Variants in SH3GL3 observed in about 807,000 individuals in gnomAD.
SH3GL3 encodes endophilin-A3.
A neutral mutation model predicts 47.7 loss-of-function variants in SH3GL3; 33 were observed. The ratio of observed to expected loss-of-function variants is 0.69; its 90% confidence interval spans 0.52 to 0.92. The LOEUF (loss-of-function observed/expected upper bound fraction) is 0.92. Ranked by LOEUF, SH3GL3 falls within the 40% of genes least tolerant of loss-of-function variation. The pLI is 0.00. For synonymous variants in SH3GL3, 155 were observed against 148.8 expected, an observed-to-expected ratio of 1.04 and a Z score of -0.30; for missense variants, 363 against 417.8, an observed-to-expected ratio of 0.87 and a Z score of 1.14.
At chr15:83,577,714 G>C (rs1246832118) in intron 6 of SH3GL3, among the ~76,000 whole-genome samples, 1 of 152,150 alleles carries the variant, frequency 6.6e-6, no homozygotes, top group African/African-American at 2.4e-5. Context: ...CTTAAATCTT[G>C]AGGAGTCCTG....
intron 1 of SH3GL3, among the ~76,000 whole-genome samples, chr15:83,540,436 A>G (rs1396785870): frequency 6.6e-6 from 1 of 152,162 alleles, no homozygotes; most frequent in East Asian, 1.9e-4. Flanking sequence ...TATGCTTTAT[A>G]CATCGTGAGG....
At chr15:83,590,184 T>C (rs1048955544) in intron 8 of SH3GL3, among the ~76,000 whole-genome samples, 5 of 152,196 alleles carry the variant, frequency 3.3e-5, no homozygotes, top group African/African-American at 1.2e-4. Context: ...TTTTTCCTAG[T>C]TTGTCATTTA....
chr15:83,457,138 C>T (rs1432764211), intron 1 of SH3GL3, among the ~76,000 whole-genome samples: 1 of 152,196 alleles, frequency 6.6e-6, no homozygotes, highest in Non-Finnish European at 1.5e-5. Context: ...TATGTGTGTT[C>T]TGACCTGGAA....
At chr15:83,615,198 A>G (rs1011481496) in intron 8 of SH3GL3, among the ~76,000 whole-genome samples, 1 of 152,194 alleles carries the variant, frequency 6.6e-6, no homozygotes, top group African/African-American at 2.4e-5. Context: ...TTGTGAGAGA[A>G]ATGTGTCATA....
At chr15:83,481,049 G>A (rs2151555550) in intron 1 of SH3GL3, among the ~76,000 whole-genome samples, 1 of 152,264 alleles carries the variant, frequency 6.6e-6, no homozygotes, top group East Asian at 1.9e-4. Context: ...GCCGAGGCGG[G>A]CGGATCACCT....
At chr15:83,517,632 C>A (rs191216863) in intron 1 of SH3GL3, among the ~76,000 whole-genome samples, 3 of 152,182 alleles carry the variant, frequency 2.0e-5, no homozygotes, top group Non-Finnish European at 4.4e-5. Flanking sequence ...CCATTTTTCT[C>A]TTTTTCAGTC....
rs1387916937 is a variant in SH3GL3, at chr15:83,521,680, TA to T, written c.46-37572del. 4.6e-5 allele frequency among the ~76,000 whole-genome samples: 7 copies of T among 152,084 alleles called. No homozygotes were observed. In the South Asian group the frequency reaches 1.2e-3, roughly 27 times the overall value. On this transcript the variant is annotated intron_variant, in intron 1 of 8. Coordinates refer to ENST00000427482, the MANE Select transcript of SH3GL3 (RefSeq NM_003027.5). The stretch of plus-strand genomic sequence containing the variant: ...AGTGGAGGTTGGGGCTGAGAGACAA[TA>T]GGCAAATAACCAGCACAGAGTCTAA...
At chr15:83,613,885 A>G (rs969823210) in intron 8 of SH3GL3, among the ~76,000 whole-genome samples, 3 of 152,172 alleles carry the variant, frequency 2.0e-5, no homozygotes, top group African/African-American at 7.2e-5. Flanking sequence ...GAGAGGACTC[A>G]TGGAGGACTG....
At chr15:83,505,639 G>A (rs746484764) in intron 1 of SH3GL3, among the ~76,000 whole-genome samples, 70 of 147,768 alleles carry the variant, frequency 4.7e-4, no homozygotes, top group South Asian at 8.8e-4. Flanking sequence ...GCGATTCTCC[G>A]CCTCAGCTTC....
intron 1 of SH3GL3, among the ~76,000 whole-genome samples, chr15:83,504,251 A>G (rs2042398932): frequency 6.6e-6 from 1 of 152,234 alleles, no homozygotes; most frequent in Non-Finnish European, 1.5e-5. Flanking sequence ...CAGTTGAAGC[A>G]ATGGAATCTT....
At chr15:83,556,153 G>A (rs2044946853) in intron 1 of SH3GL3, among the ~76,000 whole-genome samples, 1 of 149,266 alleles carries the variant, frequency 6.7e-6, no homozygotes, top group Non-Finnish European at 1.5e-5. Context: ...TTGGAAGGAG[G>A]CCAGGTGCCC....
chr15:83,469,185 AT>A (rs1194698214), intron 1 of SH3GL3, among the ~76,000 whole-genome samples: 1 of 152,022 alleles, frequency 6.6e-6, no homozygotes, highest in Non-Finnish European at 1.5e-5. Context: ...CTCATCTTTC[AT>A]TCCTGATAAT....
intron 1 of SH3GL3, among the ~76,000 whole-genome samples, chr15:83,493,012 C>A (rs973121627): frequency 1.6e-4 from 24 of 152,356 alleles, no homozygotes; most frequent in Non-Finnish European, 2.9e-4. Flanking sequence ...TTCAAACAAC[C>A]CATCTGCCAA....
chr15:83,523,734 C>T (rs2043300393), intron 1 of SH3GL3, among the ~76,000 whole-genome samples: 1 of 151,974 alleles, frequency 6.6e-6, no homozygotes, highest in African/African-American at 2.4e-5. Context: ...TCTTCCTTTC[C>T]CCCTGCCTCC....
At chr15:83,467,984 C>T (rs972679367) in intron 1 of SH3GL3, among the ~76,000 whole-genome samples, 24 of 152,184 alleles carry the variant, frequency 1.6e-4, no homozygotes, top group East Asian at 5.8e-4. Context: ...CCCGCCACCA[C>T]GCCCAGCTAA....
intron 1 of SH3GL3, among the ~76,000 whole-genome samples, chr15:83,502,770 C>G (rs1015320482): frequency 2.6e-5 from 4 of 152,152 alleles, no homozygotes; most frequent in Admixed American, 2.6e-4. Context: ...ACTATGTTGC[C>G]CAGGCTGGGG....
At chr15:83,533,225 G>T (rs2043759798) in intron 1 of SH3GL3, among the ~76,000 whole-genome samples, 1 of 152,150 alleles carries the variant, frequency 6.6e-6, no homozygotes, top group Admixed American at 6.5e-5. Context: ...GTAGAATATG[G>T]GGAAATAATG....
At chr15:83,559,003 TCCTACAGCACTTACCATGTGTTTTACA>T (rs2151740874) in intron 1 of SH3GL3, among the ~76,000 whole-genome samples, 1 of 152,380 alleles carries the variant, frequency 6.6e-6, no homozygotes, top group African/African-American at 2.4e-5. Flanking sequence ...CTTGTCTATG[TCCTACAGCACTTACCATGTGTTTTACA>T]CATAGTAGGT....
Position 83,457,476 on chromosome 15 carries a change from G to T in SH3GL3, c.45+9898G>T, listed in dbSNP as rs1442313704. Among the ~76,000 whole-genome samples the T allele has an allele frequency of 2.0e-5, 3 of 152,182 alleles. No homozygotes were observed. The East Asian group carries it at 5.8e-4, about 29-fold the overall frequency. ...AATGCATTAGCCAGAAAAATGATAAGGGGTCATGAGGGGCCTGGACGTATT... is the reference window on the plus strand; with the variant it reads ...AATGCATTAGCCAGAAAAATGATAATGGGTCATGAGGGGCCTGGACGTATT... On this transcript the variant is annotated intron_variant, in intron 1 of 8. Transcript: ENST00000427482.
Sources: gnomAD v4.1 joint callset for allele counts (sites outside exome capture counted in the v4.1 genomes callset) on GRCh38, gnomAD v4.1.1 for gene constraint, MANE v1.5 for transcripts, NCBI Gene and HGNC (gene_info 2026-07-23, HGNC 2026-07-21) for gene names.